GRM5: variants seen among roughly 807,000 people sequenced by gnomAD.
GRM5 encodes metabotropic glutamate receptor 5.
A neutral mutation model predicts 83.1 loss-of-function variants in GRM5; 19 were observed. The ratio of observed to expected loss-of-function variants is 0.23; its 90% CI spans 0.16 to 0.34. The LOEUF (loss-of-function observed/expected upper bound fraction) is 0.34, where lower values mean the gene tolerates loss of function less well. Among genes scored for constraint, GRM5 ranks in the 10% least tolerant of loss-of-function variants. The pLI, the probability that GRM5 is intolerant of heterozygous loss-of-function variation, is 1.00. For missense variants in GRM5, 1,160 were observed against 1,588.3 expected (o/e 0.73, Z 4.58); for synonymous variants, 675 against 633.6 (o/e 1.07, Z -0.98).
chr11:88,611,994 T>C (rs1480975808), intron 4 of GRM5, among the ~76,000 whole-genome samples: 1 of 151,768 alleles, frequency 6.6e-6, no homozygotes, highest in East Asian at 1.9e-4. Flanking sequence ...TACTTTAAGT[T>C]TTAGGGTACA....
At chr11:88,531,553 C>A (rs549075291) in intron 8 of GRM5, among the ~76,000 whole-genome samples, 2 of 152,270 alleles carry the variant, frequency 1.3e-5, no homozygotes, top group Non-Finnish European at 2.9e-5. Flanking sequence ...ACTCAAGATG[C>A]AAATGCTGTT....
intron 3 of GRM5, among the ~76,000 whole-genome samples, chr11:88,730,596 T>A (rs765703246): frequency 6.6e-6 from 1 of 152,186 alleles, no homozygotes; most frequent in East Asian, 1.9e-4. Flanking sequence ...CTGTTCATAA[T>A]AGCAAAGACT....
intron 4 of GRM5, among the ~76,000 whole-genome samples, chr11:88,637,168 G>A (rs1477013956): frequency 6.6e-6 from 1 of 152,094 alleles, no homozygotes; most frequent in Non-Finnish European, 1.5e-5. Flanking sequence ...ATGATATAAA[G>A]ACTTAAACGT....
intron 3 of GRM5, among the ~76,000 whole-genome samples, chr11:88,691,316 T>G (rs1024503574): frequency 6.6e-6 from 1 of 152,236 alleles, no homozygotes; most frequent in Non-Finnish European, 1.5e-5. Flanking sequence ...TGTAGTCATT[T>G]TCCCATATTT....
At chr11:88,861,506 C>A (rs960483651) in intron 2 of GRM5, among the ~76,000 whole-genome samples, 2 of 152,022 alleles carry the variant, frequency 1.3e-5, no homozygotes, top group Non-Finnish European at 2.9e-5. Flanking sequence ...ACCCCTGTCA[C>A]CAAGGCTGGA....
intron 3 of GRM5, among the ~76,000 whole-genome samples, chr11:88,664,582 G>A (rs1461791719): frequency 6.6e-6 from 1 of 152,146 alleles, no homozygotes; most frequent in Admixed American, 6.5e-5. Context: ...CAGTAGCAGG[G>A]ACTACGGGTG....
At chr11:88,674,508 G>A (rs1217018425) in intron 3 of GRM5, among the ~76,000 whole-genome samples, 1 of 151,748 alleles carries the variant, frequency 6.6e-6, no homozygotes, top group Non-Finnish European at 1.5e-5. Flanking sequence ...CAATAAAACT[G>A]GCCTAAAATA....
chr11:88,511,483 T>C (rs1343671020), intron 9 of GRM5, among the ~76,000 whole-genome samples: 1 of 152,232 alleles, frequency 6.6e-6, no homozygotes, highest in Non-Finnish European at 1.5e-5. Context: ...CTTTCTCCGC[T>C]CTTTCCTGTG....
chr11:89,015,710 T>C (rs1591049928), intron 2 of GRM5, among the ~76,000 whole-genome samples: 1 of 152,204 alleles, frequency 6.6e-6, no homozygotes, highest in South Asian at 2.1e-4. Flanking sequence ...AGGATGTACA[T>C]TGAACTTTTC....
rs2135150676 is a variant in GRM5 at position 89,047,158 on chromosome 11, TG to T, written c.661+53del. The T allele has an allele frequency of 7.4e-7, 1 of 1,351,358 alleles. No individual in the cohort carries two copies. The highest frequency in any genetic ancestry group is 1.0e-6 in the Non-Finnish European group (1 of 977,342). The allele number at this position is 1,351,358 out of a possible 1,614,324, so 83.7% of individuals were successfully genotyped here. On this transcript the variant is annotated intron_variant, in intron 2 of 9. Coordinates refer to ENST00000305447, the MANE Select transcript of GRM5 (RefSeq NM_001143831.3). This position sits in a 1 kb window ranked among gnomAD's most constrained non-coding sequence, Gnocchi z 5.1. ...AGTTTACTCTTCCCAAACCTGAAAT[TG>T]TAACTGTTGAGTGCATAATAATATA...
chr11:88,788,354 A>G (rs575873300), intron 3 of GRM5, among the ~76,000 whole-genome samples: 1 of 152,270 alleles, frequency 6.6e-6, no homozygotes, highest in African/African-American at 2.4e-5. Flanking sequence ...AGACTCAGGG[A>G]TCCTGAGAGG....
intron 3 of GRM5, among the ~76,000 whole-genome samples, chr11:88,724,983 G>A (rs1337205607): frequency 2.0e-5 from 3 of 152,134 alleles, no homozygotes; most frequent in Admixed American, 6.5e-5. Context: ...GGCCATTTGG[G>A]CAGACAGTGA....
At chr11:88,943,750 GT>G (rs2135669655) in intron 2 of GRM5, among the ~76,000 whole-genome samples, 1 of 152,008 alleles carries the variant, frequency 6.6e-6, no homozygotes, top group African/African-American at 2.4e-5. Context: ...CAACATATAG[GT>G]TTCAATATCA....
At chr11:88,735,956 T>C (rs1209354007) in intron 3 of GRM5, among the ~76,000 whole-genome samples, 1 of 151,924 alleles carries the variant, frequency 6.6e-6, no homozygotes, top group African/African-American at 2.4e-5. Flanking sequence ...GCCTATGTTT[T>C]CCTGTGACAT....
At chr11:88,772,240 A>C (rs1266613593) in intron 3 of GRM5, among the ~76,000 whole-genome samples, 1 of 152,044 alleles carries the variant, frequency 6.6e-6, no homozygotes, top group Non-Finnish European at 1.5e-5. Context: ...AAATGAAAGC[A>C]AAAAAATGTA....
At chr11:89,007,523 G>C (rs1255019342) in intron 2 of GRM5, among the ~76,000 whole-genome samples, 3 of 152,166 alleles carry the variant, frequency 2.0e-5, no homozygotes, top group Non-Finnish European at 4.4e-5. Context: ...TTTATAAATA[G>C]AGCATAGATG....
intron 3 of GRM5, among the ~76,000 whole-genome samples, chr11:88,774,062 T>C (rs937554966): frequency 6.6e-6 from 1 of 152,214 alleles, no homozygotes; most frequent in East Asian, 1.9e-4. Flanking sequence ...ATTTTCACAA[T>C]ATTGATTTTT....
At chr11:88,624,698 A>T (rs1459810188) in intron 4 of GRM5, among the ~76,000 whole-genome samples, 2 of 152,208 alleles carry the variant, frequency 1.3e-5, no homozygotes, top group Non-Finnish European at 2.9e-5. Context: ...ATAAAAATTT[A>T]AAAATTCAGG....
chr11:89,064,878 C>CTG (rs1565358220), intron 1 of GRM5, among the ~76,000 whole-genome samples: 2 of 56,496 alleles, frequency 3.5e-5, no homozygotes, highest in African/African-American at 6.8e-5. Flanking sequence ...CTCTCTCTCT[C>CTG]TCTCTCTCTC....
Sources: gnomAD v4.1 joint callset for allele counts (sites outside exome capture counted in the v4.1 genomes callset) on GRCh38, gnomAD v4.1.1 for gene constraint, Gnocchi (gnomAD v3.1) non-coding constraint, MANE v1.5 for transcripts, NCBI Gene and HGNC (gene_info 2026-07-23, HGNC 2026-07-21) for gene names.